MOV10L1: variants seen among roughly 807,000 people sequenced by gnomAD.
The protein encoded by MOV10L1 is RNA helicase Mov10l1.
Under a neutral mutation model 143.8 loss-of-function variants are expected in MOV10L1, and 110 were observed. The observed-to-expected ratio is 0.76, with a 90% CI of 0.66 to 0.90. The LOEUF (loss-of-function observed/expected upper bound fraction) is 0.90. MOV10L1 is among the 40% of genes least tolerant of loss of function. The pLI is 0.00. For missense variants in MOV10L1, 1,406 were observed against 1,526.8 expected (o/e 0.92, Z 1.32); for synonymous variants, 593 against 581.1 (o/e 1.02, Z -0.29).
At chr22:50,127,836 G>A (rs2062556110) in intron 12 of MOV10L1, among the ~76,000 whole-genome samples, 1 of 151,292 alleles carries the variant, frequency 6.6e-6, no homozygotes, top group Non-Finnish European at 1.5e-5. Flanking sequence ...ACAGTGGTAC[G>A]ATCTTGGCTC....
chr22:50,146,465 G>A (rs944738144), intron 19 of MOV10L1, among the ~76,000 whole-genome samples: 1 of 152,050 alleles, frequency 6.6e-6, no homozygotes, highest in Admixed American at 6.5e-5. Context: ...AGACCCCAGT[G>A]CAGGGGGGTG....
intron 22 of MOV10L1, 96 bp downstream of exon 22, chr22:50,153,314 G>A: frequency 7.2e-7 from 1 of 1,387,224 alleles, no homozygotes; most frequent in Non-Finnish European, 9.9e-7. Flanking sequence ...ACCTGCCTGT[G>A]GCGGGGCAGA....
In MOV10L1 at chr22:50,108,185, G is replaced by A. The variant is rs1186019223; in HGVS notation, c.492G>A (p.Arg164=). 1 of 1,614,112 alleles carries A rather than the reference G, an allele frequency of 6.2e-7. No individual in the cohort carries two copies. Among genetic ancestry groups the A allele is most frequent in the Admixed American group, 1.7e-5 (1 of 60,012 alleles). ...GDWVEAEYRI[R]PGTWSSEATS... ...GGGTGGAGGCTGAGTACCGGATCCGGCCTGGCACGTGGAGCAGCGAAGCCA... is the reference window on the plus strand; with the variant it reads ...GGGTGGAGGCTGAGTACCGGATCCGACCTGGCACGTGGAGCAGCGAAGCCA... Residue 164 remains arginine (R), a synonymous_variant, in exon 4 of 27, where the codon CGG becomes CGA. Transcript: ENST00000262794.
chr22:50,147,042 T>C (rs981570362), intron 19 of MOV10L1: 30 of 1,549,250 alleles, frequency 1.9e-5, no homozygotes, highest in Non-Finnish European at 2.5e-5. Context: ...TGTGTGTTGA[T>C]GAGTCAAAGG....
At chr22:50,109,496 CG>C (rs1341375112) in intron 5 of MOV10L1, among the ~76,000 whole-genome samples, 1 of 148,782 alleles carries the variant, frequency 6.7e-6, no homozygotes, top group Non-Finnish European at 1.5e-5. Flanking sequence ...GGTGAAACCC[CG>C]TGTCTACTAA....
chr22:50,153,961 C>A (rs1282544466), intron 22 of MOV10L1, among the ~76,000 whole-genome samples: 1 of 152,160 alleles, frequency 6.6e-6, no homozygotes, highest in Non-Finnish European at 1.5e-5. Context: ...CCAGGTTACA[C>A]CATTTGGCTG....
rs887952542 is a variant in MOV10L1, at chr22:50,090,069, G to T, written c.-20G>T. ...GGCGGCGGCAGCGGCGGTGACGGCAGCCTAGGCCGGGCGAGGGCCATGCTG... is the reference window on the plus strand; with the variant it reads ...GGCGGCGGCAGCGGCGGTGACGGCATCCTAGGCCGGGCGAGGGCCATGCTG... On this transcript the variant is annotated 5_prime_UTR_variant, in exon 1 of 27. Coordinates refer to ENST00000262794, the MANE Select transcript of MOV10L1 (RefSeq NM_018995.3). 2.1e-5 allele frequency: 26 copies of T among 1,260,216 alleles called. No individual in the cohort carries two copies. The highest frequency in any genetic ancestry group is 2.4e-5 in the Non-Finnish European group (24 of 1,000,208). The allele number at this position is 1,260,216 out of a possible 1,614,324, so 78.1% of individuals were successfully genotyped here. A position where few individuals can be genotyped will look rare whatever the true frequency, so the allele number is the denominator to read the frequency against.
In MOV10L1 at chr22:50,158,100, C is replaced by A; in HGVS notation, c.3110C>A (p.Pro1037Gln). 6.2e-7 allele frequency: 1 copy of A among 1,614,140 alleles called. No individual in the cohort carries two copies. Among genetic ancestry groups the A allele is most frequent in the Non-Finnish European group, 8.5e-7 (1 of 1,180,016 alleles). The change falls in exon 23 of 27, where the codon CCG becomes CAG. Residue 1037 changes from proline (P) to glutamine (Q), a missense_variant. Coordinates refer to ENST00000262794, the MANE Select transcript of MOV10L1 (RefSeq NM_018995.3). The surrounding 1 kb of genome is among the most constrained non-coding windows in gnomAD (Gnocchi z 5.0). The part of the protein sequence containing the change: ...REGKSPSWFN[P>Q]AEAVQVLRYC... ...GGAAAAAGCCCATCGTGGTTCAACC[C>A]GGCCGAGGCCGTCCAGGTCCTGCGC...
At chr22:50,096,527 A>C (rs2062592949) in intron 2 of MOV10L1, 1 of 152,232 alleles carries the variant, frequency 6.6e-6, no homozygotes. Context: ...TGGTAAGTCT[A>C]GGTTTAACTT....
Position 50,144,159 on chromosome 22 carries a change from C to A in MOV10L1, c.2421C>A (p.Asp807Glu), listed in dbSNP as rs148358948. ...LVCAPSNSAADLVCLRLHESK... is the reference protein window; with the variant it reads ...LVCAPSNSAAELVCLRLHESK... ...GTGCGCCCTCCAACAGTGCTGCTGA[C>A]CTCGTGTGTCTGCGGCTGCACGAGA... is the stretch of plus-strand genomic sequence containing the variant. The change falls in exon 18 of 27, where the codon GAC becomes GAA. Residue 807 changes from aspartate to glutamate, a missense_variant. Physicochemically the swap from Asp to Glu is conservative, Grantham distance 45. Around this residue, in one of 3 missense-constraint regions of MOV10L1, gnomAD observed 1,233 missense variants for 1,351.4 expected, o/e 0.91. Coordinates refer to ENST00000262794, the MANE Select transcript of MOV10L1 (RefSeq NM_018995.3). The A allele has an allele frequency of 6.2e-7, 1 of 1,613,660 alleles. No homozygotes were observed. The highest frequency in any genetic ancestry group is 1.1e-5 in the South Asian group (1 of 91,088).
intron 3 of MOV10L1, among the ~76,000 whole-genome samples, chr22:50,106,860 C>A (rs1451335103): frequency 2.0e-5 from 3 of 151,634 alleles, no homozygotes; most frequent in Non-Finnish European, 4.4e-5. Context: ...TGCCACCACG[C>A]CTGGCTAATT....
chr22:50,150,578 CCT>C (rs2063270976), intron 20 of MOV10L1, among the ~76,000 whole-genome samples, 155 bp from the exon 21 acceptor site: 1 of 152,156 alleles, frequency 6.6e-6, no homozygotes, highest in Non-Finnish European at 1.5e-5. Flanking sequence ...GGCTCCAAGC[CCT>C]GTCGGCATTC....
intron 24 of MOV10L1, 54 bp from the exon 25 acceptor site, chr22:50,160,634 C>G: frequency 6.4e-7 from 1 of 1,568,916 alleles, no homozygotes; most frequent in Non-Finnish European, 8.7e-7. Flanking sequence ...AGTTTCTCTT[C>G]ATGCCCCCCA....
chr22:50,134,714 G>A (rs145830036), intron 15 of MOV10L1, 84 bp downstream of exon 15: 148 of 1,187,864 alleles, frequency 1.2e-4, no homozygotes, highest in Non-Finnish European at 1.7e-4. Flanking sequence ...GCTCAGCGGC[G>A]TGACTGTCTC....
chr22:50,090,274 T>C, intron 1 of MOV10L1, 89 bp downstream of exon 1: 3 of 1,445,290 alleles, frequency 2.1e-6, no homozygotes, highest in Non-Finnish European at 1.8e-6. Context: ...TTGAGTGCAG[T>C]GCGGGCCGGC....
rs376488374 is a variant in MOV10L1 at position 50,161,365 on chromosome 22, C to T, written c.3555-3C>T. 54 of 1,589,702 alleles carry T rather than the reference C, an allele frequency of 3.4e-5. No homozygotes were observed. Among genetic ancestry groups the T allele is most frequent in the Non-Finnish European group, 4.4e-5 (51 of 1,168,140 alleles). The stretch of plus-strand genomic sequence containing the variant: ...TGGCCATCCGCTTCTCCTCTGTCTA[C>T]AGCTGTGGCGAGGGGGTGGCAGACC... On this transcript the variant is annotated splice_polypyrimidine_tract_variant and splice_region_variant and intron_variant, in intron 26 of 26. Coordinates refer to ENST00000262794, the MANE Select transcript of MOV10L1 (RefSeq NM_018995.3).
chr22:50,149,526 G>A, intron 19 of MOV10L1, 89 bp from the exon 20 acceptor site: 3 of 1,304,092 alleles, frequency 2.3e-6, no homozygotes, highest in Non-Finnish European at 2.1e-6. Context: ...TGCCCCCGGG[G>A]TGCTGAGCGT....
chr22:50,090,370 G>A (rs1005289815), intron 1 of MOV10L1, 185 bp downstream of exon 1: 86 of 1,533,774 alleles, frequency 5.6e-5, no homozygotes, highest in Non-Finnish European at 7.0e-5. Flanking sequence ...ACAGCATCCC[G>A]CCGCTCTGGG....
At chr22:50,139,560 A>G (rs2062924082) in intron 15 of MOV10L1, among the ~76,000 whole-genome samples, 1 of 149,844 alleles carries the variant, frequency 6.7e-6, no homozygotes, top group Admixed American at 6.7e-5. Context: ...AAAAACAAAG[A>G]AAAAAAAAAG....
Sources: gnomAD v4.1 joint callset for allele counts (sites outside exome capture counted in the v4.1 genomes callset) on GRCh38, gnomAD v4.1.1 for gene constraint, gnomAD v4.1.1 regional missense constraint, Gnocchi (gnomAD v3.1) non-coding constraint, MANE v1.5 for transcripts, NCBI Gene and HGNC (gene_info 2026-07-23, HGNC 2026-07-21) for gene names.